Variants in CFDP1 observed in about 807,000 individuals in gnomAD.
The protein encoded by CFDP1 is chromatin remodeling protein CFDP1.
A neutral mutation model predicts 40.1 loss-of-function variants in CFDP1; 31 were observed. The ratio of observed to expected loss-of-function variants is 0.77; its 90% CI spans 0.58 to 1.04. The LOEUF is 1.04. Among genes scored for constraint, CFDP1 ranks in the 50% least tolerant of loss-of-function variants. The pLI, the probability that CFDP1 is intolerant of heterozygous loss-of-function variation, is 0.00. For synonymous variants in CFDP1, 167 were observed against 120.0 expected (o/e 1.39, Z -2.56); for missense variants, 423 against 343.4 (o/e 1.23, Z -1.83).
chr16:75,391,423 G>A (rs1359885807), intron 5 of CFDP1: 1 of 152,196 alleles, frequency 6.6e-6, no homozygotes, highest in Non-Finnish European at 1.5e-5. Flanking sequence ...TCCATACGTT[G>A]TCTAGAGCAG....
At chr16:75,361,231 G>A (rs1464288584) in intron 5 of CFDP1, among the ~76,000 whole-genome samples, 4 of 152,004 alleles carry the variant, frequency 2.6e-5, no homozygotes, top group Non-Finnish European at 5.9e-5. Flanking sequence ...GGCTGCTCTC[G>A]ATCTTCTGGC....
intron 1 of CFDP1, among the ~76,000 whole-genome samples, chr16:75,415,963 C>T (rs1336365455): frequency 6.6e-6 from 1 of 152,158 alleles, no homozygotes; most frequent in African/African-American, 2.4e-5. Context: ...AGCGATTCTC[C>T]TGCCTTGGCC....
intron 5 of CFDP1, among the ~76,000 whole-genome samples, chr16:75,327,359 C>A (rs958103982): frequency 6.6e-6 from 1 of 152,058 alleles, no homozygotes; most frequent in African/African-American, 2.4e-5. Context: ...AAAAGGCAGT[C>A]CCAGAACAAG....
At chr16:75,349,485 G>C (rs1399405394) in intron 5 of CFDP1, among the ~76,000 whole-genome samples, 1 of 149,210 alleles carries the variant, frequency 6.7e-6, no homozygotes, top group Non-Finnish European at 1.5e-5. Flanking sequence ...CTCTAGCCTG[G>C]GTGACAGAGC....
chr16:75,406,720 A>T (rs1226633898), intron 4 of CFDP1: 1 of 150,432 alleles, frequency 6.6e-6, no homozygotes, highest in Admixed American at 6.6e-5. Context: ...AAAATAAATA[A>T]AATAAATAAA....
At chr16:75,363,288 A>AT (rs1337317673) in intron 5 of CFDP1, among the ~76,000 whole-genome samples, 136 of 136,410 alleles carry the variant, frequency 1.0e-3, no homozygotes, top group African/African-American at 3.3e-3. Context: ...AAAAAAAAAA[A>AT]TTTTTGCCAT....
At chr16:75,346,986 A>G (rs2151523340) in intron 5 of CFDP1, among the ~76,000 whole-genome samples, 1 of 152,282 alleles carries the variant, frequency 6.6e-6, no homozygotes, top group African/African-American at 2.4e-5. Flanking sequence ...GCAGGAGTTC[A>G]GTAACAAGGG....
chr16:75,398,784 G>A (rs59867374), intron 4 of CFDP1, among the ~76,000 whole-genome samples: 78,588 of 151,850 alleles, frequency 0.52, 21,380 homozygotes, highest in Admixed American at 0.64. Flanking sequence ...GGCTGGGCGT[G>A]GTGGTCATGC....
intron 5 of CFDP1, among the ~76,000 whole-genome samples, chr16:75,350,937 G>C (rs749869931): frequency 3.2e-4 from 49 of 152,082 alleles, no homozygotes; most frequent in Non-Finnish European, 5.9e-4. Flanking sequence ...ACTACTTCAA[G>C]TGACTTTAGA....
chr16:75,411,660 T>C (rs2079163446), intron 4 of CFDP1, among the ~76,000 whole-genome samples, 165 bp downstream of exon 4: 1 of 152,220 alleles, frequency 6.6e-6, no homozygotes, highest in Non-Finnish European at 1.5e-5. Context: ...AAAGGACCTT[T>C]CTCATACTCC....
intron 6 of CFDP1, among the ~76,000 whole-genome samples, chr16:75,303,365 CTAAATAAATAAA>C (rs576854066): frequency 3.7e-5 from 5 of 136,184 alleles, no homozygotes; most frequent in East Asian, 2.2e-4. Flanking sequence ...GACTCCATCT[CTAAATAAATAAA>C]TAAATAAATA....
At chr16:75,430,042 G>A (rs1329100642) in intron 1 of CFDP1, among the ~76,000 whole-genome samples, 1 of 152,196 alleles carries the variant, frequency 6.6e-6, no homozygotes. Context: ...AGGACAACTC[G>A]GGGTGGGAGT....
At chr16:75,323,653 C>T (rs1255469789) in intron 5 of CFDP1, among the ~76,000 whole-genome samples, 1 of 151,992 alleles carries the variant, frequency 6.6e-6, no homozygotes, top group Non-Finnish European at 1.5e-5. Flanking sequence ...GTGGAGCGTG[C>T]CTGTAATCCC....
intron 4 of CFDP1, among the ~76,000 whole-genome samples, chr16:75,404,615 T>C (rs1439276174): frequency 6.6e-6 from 1 of 152,088 alleles, no homozygotes; most frequent in African/African-American, 2.4e-5. Flanking sequence ...GTAGTATTTT[T>C]GTCTAACATA....
At chr16:75,400,719 C>T (rs185422724) in intron 4 of CFDP1, among the ~76,000 whole-genome samples, 8 of 152,318 alleles carry the variant, frequency 5.3e-5, no homozygotes, top group Non-Finnish European at 1.2e-4. Flanking sequence ...GCCAGAGCAA[C>T]CCTGAAGCCT....
intron 5 of CFDP1, among the ~76,000 whole-genome samples, chr16:75,312,470 C>A (rs1019397889): frequency 6.6e-6 from 1 of 151,896 alleles, no homozygotes; most frequent in South Asian, 2.1e-4. Context: ...ACAGCTTTAC[C>A]TTTTTTTTAT....
At chr16:75,374,116 G>T (rs2078773854) in intron 5 of CFDP1, among the ~76,000 whole-genome samples, 1 of 152,064 alleles carries the variant, frequency 6.6e-6, no homozygotes, top group African/African-American at 2.4e-5. Context: ...AGCCAGGCGT[G>T]GTGGTGGGTG....
chr16:75,409,341 T>TA (rs1457832457), intron 4 of CFDP1: 3 of 152,242 alleles, frequency 2.0e-5, no homozygotes, highest in South Asian at 2.1e-4. Context: ...CACCTGTCGA[T>TA]AGAGGTTAAA....
intron 5 of CFDP1, among the ~76,000 whole-genome samples, chr16:75,347,343 C>CAAAA (rs762900031): frequency 2.0e-4 from 18 of 91,614 alleles, no homozygotes; most frequent in Non-Finnish European, 2.9e-4. Context: ...GACTCCATCT[C>CAAAA]AAAAAAAAAA....
Sources: allele counts gnomAD v4.1 joint callset (sites outside exome capture counted in the v4.1 genomes callset), GRCh38; gene constraint gnomAD v4.1.1; transcripts MANE v1.5; gene names NCBI Gene and HGNC (gene_info 2026-07-23, HGNC 2026-07-21).